Variants in PCDHA2 observed in about 807,000 individuals in gnomAD.
PCDHA2 encodes protocadherin alpha-2.
In PCDHA2, 58 loss-of-function variants were observed where a neutral mutation model predicts 66.0. The ratio of observed to expected loss-of-function variants is 0.88; its 90% confidence interval spans 0.71 to 1.09. The LOEUF (loss-of-function observed/expected upper bound fraction) is 1.09. Among genes scored for constraint, PCDHA2 ranks in the 50% least tolerant of loss-of-function variants. The pLI, the probability that PCDHA2 is intolerant of heterozygous loss-of-function variation, is 0.00. For synonymous variants in PCDHA2, 634 were observed against 554.0 expected, an observed-to-expected ratio of 1.14 and a Z score of -2.03; for missense variants, 1,267 against 1,242.3, an observed-to-expected ratio of 1.02 and a Z score of -0.30.
intron 1 of PCDHA2, chr5:140,871,646 A>G: frequency 7.8e-7 from 1 of 1,275,646 alleles, no homozygotes; most frequent in Non-Finnish European, 1.1e-6. Flanking sequence ...TAAAATACCA[A>G]ATGATACACA....
intron 1 of PCDHA2, chr5:140,842,220 G>A: frequency 1.2e-6 from 2 of 1,613,146 alleles, no homozygotes; most frequent in Non-Finnish European, 1.7e-6. Flanking sequence ...CGAAATACGG[G>A]AGAAATAGTG....
chr5:140,842,035 T>C (rs2150327747), intron 1 of PCDHA2: 3 of 1,613,864 alleles, frequency 1.9e-6, no homozygotes, highest in South Asian at 1.1e-5. Context: ...TGAATGATAA[T>C]GCTCCCACTT....
intron 1 of PCDHA2, chr5:140,808,504 C>T: frequency 6.2e-7 from 1 of 1,614,146 alleles, no homozygotes; most frequent in Non-Finnish European, 8.5e-7. Context: ...GGGCCACGGC[C>T]AGTGTTTCTG....
intron 1 of PCDHA2, chr5:140,808,899 G>T: frequency 6.2e-7 from 1 of 1,613,482 alleles, no homozygotes. Context: ...CCTCGGGCGG[G>T]TGGCACTGGT....
At chr5:140,801,090 C>T (rs781796014) in intron 1 of PCDHA2, 113 of 1,493,970 alleles carry the variant, frequency 7.6e-5, no homozygotes, top group Non-Finnish European at 9.4e-5. Context: ...GCTTCATCCT[C>T]TCTAAAATTT....
rs192388233 is a variant in PCDHA2 at position 140,869,206 on chromosome 5, G to C, written c.2388+71854G>C. 4,858 of 1,613,972 alleles carry C rather than the reference G, an allele frequency of 3.0e-3. 14 individuals carry two copies. The highest frequency in any genetic ancestry group is 3.0e-3 in the Non-Finnish European group (3,497 of 1,179,950). On this transcript the variant is annotated intron_variant, in intron 1 of 3. Transcript: ENST00000526136. ...GGGGAGCGGCCAGCTCCACTACTCC[G>C]TCTCGGAGGAGGCCAAACACGGCAC...
rs1337537154 is a variant in PCDHA2, at chr5:140,853,299, T to G, written c.2388+55947T>G. 5.1e-6 allele frequency: 5 copies of G among 982,044 alleles called. No homozygotes were observed. In the African/African-American group the frequency reaches 7.1e-5, roughly 14 times the overall value. 60.8% of individuals were successfully genotyped at this position (982,044 alleles called of 1,614,324 possible). The stretch of plus-strand genomic sequence containing the variant: ...ATCATATGCAAATTCTCAGAAGGGC[T>G]GTGAACACCTTAGTAATAAATTTAT... On this transcript the variant is annotated intron_variant, in intron 1 of 3. Coordinates refer to ENST00000526136, the MANE Select transcript of PCDHA2 (RefSeq NM_018905.3).
intron 1 of PCDHA2, chr5:140,830,098 G>A: frequency 1.9e-6 from 3 of 1,613,644 alleles, no homozygotes; most frequent in Non-Finnish European, 2.5e-6. Flanking sequence ...TGGTGTCGCT[G>A]GTGGAGAGTG....
intron 3 of PCDHA2, among the ~76,000 whole-genome samples, chr5:140,996,055 C>A (rs1289526573): frequency 6.6e-6 from 1 of 152,164 alleles, no homozygotes; most frequent in Non-Finnish European, 1.5e-5. Flanking sequence ...GTGCTTGGCA[C>A]ACAGTAAAGA....
In PCDHA2 at chr5:140,845,842, G is replaced by A. The variant is rs2150381678; in HGVS notation, c.2388+48490G>A. On this transcript the variant is annotated intron_variant, in intron 1 of 3. Coordinates refer to ENST00000526136, the MANE Select transcript of PCDHA2 (RefSeq NM_018905.3). ...AATTTAGTTATTACCATTCTTAAGA[G>A]AAAAGAAGTTAGTGATTGCAGAAAG... Among the ~76,000 whole-genome samples the A allele has an allele frequency of 1.1e-4, 17 of 149,848 alleles. 1 individual carries two copies. Among genetic ancestry groups the A allele is most frequent in the African/African-American group, 4.1e-4 (17 of 40,984 alleles).
Position 140,809,112 on chromosome 5 carries a change from C to T in PCDHA2, c.2388+11760C>T, listed in dbSNP as rs782204017. Reference sequence around the variant, plus strand: ...ACGCGTGCCCTGGACGAAACGGACGCTCCGCGCCACCGCCTACTGGTACTG... The same window carrying T: ...ACGCGTGCCCTGGACGAAACGGACGTTCCGCGCCACCGCCTACTGGTACTG... On this transcript the variant is annotated intron_variant, in intron 1 of 3. Transcript: ENST00000526136. The T allele has an allele frequency of 1.2e-6, 2 of 1,613,970 alleles. No homozygotes were observed. The highest frequency in any genetic ancestry group is 8.5e-7 in the Non-Finnish European group (1 of 1,179,920).
intron 1 of PCDHA2, chr5:140,824,423 T>C: frequency 2.0e-6 from 1 of 504,742 alleles, no homozygotes; most frequent in South Asian, 2.9e-5. Context: ...TTTGGAGTCA[T>C]TCTCAAAGTT....
intron 1 of PCDHA2, among the ~76,000 whole-genome samples, chr5:140,919,978 A>C (rs993704497): frequency 7.5e-6 from 1 of 134,032 alleles, no homozygotes; most frequent in Non-Finnish European, 1.7e-5. Flanking sequence ...AAGAGATAGA[A>C]GATGGAAAAC....
intron 1 of PCDHA2, among the ~76,000 whole-genome samples, chr5:140,806,211 C>T (rs1763700546): frequency 6.6e-6 from 1 of 151,910 alleles, no homozygotes; most frequent in African/African-American, 2.4e-5. Context: ...TACTTATAGA[C>T]AGGACAAAAT....
intron 1 of PCDHA2, among the ~76,000 whole-genome samples, chr5:140,953,840 G>C (rs1429646408): frequency 6.6e-6 from 1 of 152,072 alleles, no homozygotes; most frequent in African/African-American, 2.4e-5. Flanking sequence ...TTGTTACCCA[G>C]GTAAACATGT....
chr5:140,928,555 A>G, intron 1 of PCDHA2: 1 of 1,614,240 alleles, frequency 6.2e-7, no homozygotes, highest in Non-Finnish European at 8.5e-7. Flanking sequence ...TTATCCGGTT[A>G]TCTTGTTTCC....
intron 1 of PCDHA2, among the ~76,000 whole-genome samples, chr5:140,953,382 G>A (rs1554220887): frequency 6.6e-6 from 1 of 152,142 alleles, no homozygotes; most frequent in Admixed American, 6.6e-5. Context: ...ACCCCTCTCA[G>A]TTGTGGATTA....
chr5:140,824,889 A>T (rs1412625207), intron 1 of PCDHA2: 1 of 152,054 alleles, frequency 6.6e-6, no homozygotes, highest in African/African-American at 2.4e-5. Context: ...GGTTTATTTC[A>T]ACTTTGCCTA....
chr5:140,875,642 C>T (rs2153326944), intron 1 of PCDHA2: 3 of 1,613,606 alleles, frequency 1.9e-6, no homozygotes, highest in East Asian at 4.5e-5. Context: ...CTGGAGCTGG[C>T]GGAGCTGGTG....
Sources: gnomAD v4.1 joint callset for allele counts (sites outside exome capture counted in the v4.1 genomes callset) on GRCh38, gnomAD v4.1.1 for gene constraint, MANE v1.5 for transcripts, NCBI Gene and HGNC (gene_info 2026-07-23, HGNC 2026-07-21) for gene names.